Variants in TTC38 observed in about 807,000 individuals in gnomAD.
The protein encoded by TTC38 is tetratricopeptide repeat domain 38.
In TTC38, 64 loss-of-function variants were observed where a neutral mutation model predicts 64.2. The observed-to-expected ratio is 1.00, with a 90% confidence interval of 0.81 to 1.23. TTC38 has a LOEUF of 1.23. Ranked by LOEUF, TTC38 falls within the 50% of genes most tolerant of loss-of-function variation. The pLI, the probability that TTC38 is intolerant of heterozygous loss-of-function variation, is 0.00. For synonymous variants in TTC38, 254 were observed against 249.3 expected, an observed-to-expected ratio of 1.02 and a Z score of -0.18; for missense variants, 573 against 615.5, an observed-to-expected ratio of 0.93 and a Z score of 0.73.
chr22:46,268,833 C>T (rs1936824343), intron 2 of TTC38: 1 of 465,952 alleles, frequency 2.1e-6, no homozygotes, highest in South Asian at 2.2e-5. Context: ...TACAGGCGCC[C>T]GCCACTGCCC....
intron 10 of TTC38, among the ~76,000 whole-genome samples, 169 bp downstream of exon 10, chr22:46,287,323 C>T (rs1358334343): frequency 6.6e-6 from 1 of 152,238 alleles, no homozygotes; most frequent in Non-Finnish European, 1.5e-5. Context: ...TGCCTCCCAG[C>T]TGGCCCAAAG....
intron 6 of TTC38, among the ~76,000 whole-genome samples, chr22:46,279,565 G>A (rs1286912495): frequency 2.6e-5 from 4 of 152,248 alleles, no homozygotes; most frequent in Admixed American, 6.5e-5. Flanking sequence ...CAACATCCTG[G>A]CTGGGGTTCT....
intron 2 of TTC38, chr22:46,269,090 C>A (rs919605793): frequency 2.1e-5 from 7 of 336,236 alleles, no homozygotes; most frequent in Middle Eastern, 4.3e-4. Flanking sequence ...ATATCTCTGC[C>A]CCCCCCCCAC....
In TTC38 at chr22:46,272,306, G is replaced by A. The variant is rs540724829; in HGVS notation, c.112-29G>A. On this transcript the variant is annotated intron_variant, in intron 2 of 13. Transcript: ENST00000381031. The surrounding 1 kb of genome is among the most constrained non-coding windows in gnomAD (Gnocchi z 6.4). The stretch of plus-strand genomic sequence containing the variant: ...TGTTAGAATGATCCAAGGGCTCCGT[G>A]AGGACTTGTTTTGCTTTTCCCATTT... The A allele has an allele frequency of 9.4e-6, 15 of 1,591,474 alleles. No homozygotes were observed. The South Asian group carries it at 1.7e-4, about 18-fold the overall frequency.
intron 2 of TTC38, 53 bp downstream of exon 2, chr22:46,268,644 T>C (rs1403484785): frequency 1.3e-6 from 2 of 1,538,704 alleles, no homozygotes; most frequent in East Asian, 4.5e-5. Flanking sequence ...TAGGGGAAGG[T>C]TTTTTAATTG....
intron 8 of TTC38, among the ~76,000 whole-genome samples, chr22:46,284,455 C>G (rs2077557340): frequency 6.6e-6 from 1 of 152,172 alleles, no homozygotes; most frequent in Non-Finnish European, 1.5e-5. Context: ...CTAGAAGCTC[C>G]CTGAATGTCC....
chr22:46,293,523 C>CGAGTCT lies in TTC38; in HGVS notation c.*640_*645dup, dbSNP rs1177168255. 6.6e-6 allele frequency: 1 copy of CGAGTCT among 152,270 alleles called. No homozygotes were observed. The highest frequency in any genetic ancestry group is 1.9e-4 in the East Asian group (1 of 5,180). The allele number at this position is 152,270 out of a possible 1,614,324, so 9.4% of individuals were successfully genotyped here. A position where few individuals can be genotyped will look rare whatever the true frequency, so the allele number is the denominator to read the frequency against. On this transcript the variant is annotated 3_prime_UTR_variant, in exon 14 of 14. Coordinates refer to ENST00000381031, the MANE Select transcript of TTC38 (RefSeq NM_017931.4). The surrounding 1 kb of genome is among the most constrained non-coding windows in gnomAD (Gnocchi z 6.6). ...TGGGGTCCTTCTGCTGTCTCTGGGG[C>CGAGTCT]GAGTCTTGGAGCCCCCTGGGGGGCT...
rs2077492734 is a variant in TTC38, at chr22:46,276,824, A to AATATATATATATATTAAATATATAT, written c.539+1417_539+1418insTAAATATATATATATATATATATAT. Among the ~76,000 whole-genome samples the AATATATATATATATTAAATATATAT allele has an allele frequency of 1.4e-5, 2 of 139,554 alleles. No individual in the cohort carries two copies. The highest frequency in any genetic ancestry group is 5.5e-5 in the African/African-American group (2 of 36,130). The allele number at this position is 139,554 out of a possible 152,430, so 91.6% of individuals were successfully genotyped here. ...ATTATATATTAAAATATATATATTA[A>AATATATATATATATTAAATATATAT]ATATATATATATATATAAACATATA... is the stretch of plus-strand genomic sequence containing the variant. On this transcript the variant is annotated intron_variant, in intron 5 of 13. Transcript: ENST00000381031. The surrounding 1 kb of genome is among the most constrained non-coding windows in gnomAD (Gnocchi z 4.7).
At position 46,285,316 on chromosome 22, in the gene TTC38, C is replaced by A. The variant is rs772877962; in HGVS notation, c.834+37C>A. ...TCACACCGTGTTTGGTTTGTTGCAGCATTTTGCCTTTGAGTCTCAAAGAGA... is the reference window on the plus strand; with the variant it reads ...TCACACCGTGTTTGGTTTGTTGCAGAATTTTGCCTTTGAGTCTCAAAGAGA... On this transcript the variant is annotated intron_variant, in intron 9 of 13. Transcript: ENST00000381031. 18 of 1,610,768 alleles carry A rather than the reference C, an allele frequency of 1.1e-5. No individual in the cohort carries two copies. In the South Asian group the frequency reaches 1.8e-4, roughly 16 times the overall value.
rs535840812 is a variant in TTC38, at chr22:46,270,254, C to T, written c.111+1663C>T. Among the ~76,000 whole-genome samples, 1 of 152,232 alleles carries T rather than the reference C, an allele frequency of 6.6e-6. No homozygotes were observed. The highest frequency in any genetic ancestry group is 2.1e-4 in the South Asian group (1 of 4,830). ...AACCCTCCTGTATCTTGTCAAAATG[C>T]TTGCGTAGCTTATAGTCTCAGCTAT... On this transcript the variant is annotated intron_variant, in intron 2 of 13. Coordinates refer to ENST00000381031, the MANE Select transcript of TTC38 (RefSeq NM_017931.4). The surrounding 1 kb of genome is among the most constrained non-coding windows in gnomAD (Gnocchi z 4.7).
chr22:46,292,919 G>T lies in TTC38; in HGVS notation c.*35G>T. 2.6e-6 allele frequency: 4 copies of T among 1,543,204 alleles called. No homozygotes were observed. The highest frequency in any genetic ancestry group is 1.1e-5 in the South Asian group (1 of 89,632). On this transcript the variant is annotated 3_prime_UTR_variant, in exon 14 of 14. Coordinates refer to ENST00000381031, the MANE Select transcript of TTC38 (RefSeq NM_017931.4). The surrounding 1 kb of genome is among the most constrained non-coding windows in gnomAD (Gnocchi z 6.5). ...GCCGCCTCCACCCTGCAGAACCTCA[G>T]TGGTGGCGTCACTGCGTCCAGTCAG...
chr22:46,275,392 C>T lies in TTC38; in HGVS notation c.510C>T (p.Pro170=), dbSNP rs1936986739. 6.2e-7 allele frequency: 1 copy of T among 1,614,064 alleles called. No homozygotes were observed. The highest frequency in any genetic ancestry group is 2.2e-5 in the East Asian group (1 of 44,884). ...QMRDSVARIY[P]FWTPDIPLSS... ...GAGATTCTGTTGCTCGAATTTACCCCTTCTGGACACCTGACATCCCCCTAA... is the reference window on the plus strand; with the variant it reads ...GAGATTCTGTTGCTCGAATTTACCCTTTCTGGACACCTGACATCCCCCTAA... The change falls in exon 5 of 14, where the codon CCC becomes CCT. Residue 170 remains proline, a synonymous_variant. Transcript: ENST00000381031. The surrounding 1 kb of genome is among the most constrained non-coding windows in gnomAD (Gnocchi z 4.5).
rs921520951 is a variant in TTC38 at position 46,272,789 on chromosome 22, C to T, written c.193+373C>T. ...TAGATAAAGCTTCCTGAATCCAAGG[C>T]CCAGACCCCTGGAACATGAGAGGTG... On this transcript the variant is annotated intron_variant, in intron 3 of 13. Coordinates refer to ENST00000381031, the MANE Select transcript of TTC38 (RefSeq NM_017931.4). This position sits in a 1 kb window ranked among gnomAD's most constrained non-coding sequence, Gnocchi z 6.4. 2.0e-5 allele frequency among the ~76,000 whole-genome samples: 3 copies of T among 152,156 alleles called. No homozygotes were observed. The highest frequency in any genetic ancestry group is 6.5e-5 in the Admixed American group (1 of 15,274).
At position 46,292,438 on chromosome 22, in the gene TTC38, T is replaced by G; in HGVS notation, c.1317-353T>G. 1 of 317,822 alleles carries G rather than the reference T, an allele frequency of 3.1e-6. No individual in the cohort carries two copies. Among genetic ancestry groups the G allele is most frequent in the Non-Finnish European group, 6.2e-6 (1 of 161,916 alleles). The allele number at this position is 317,822 out of a possible 1,614,324, so 19.7% of individuals were successfully genotyped here. A position where few individuals can be genotyped will look rare whatever the true frequency, so the allele number is the denominator to read the frequency against. On this transcript the variant is annotated intron_variant, in intron 13 of 13. Coordinates refer to ENST00000381031, the MANE Select transcript of TTC38 (RefSeq NM_017931.4). The surrounding 1 kb of genome is among the most constrained non-coding windows in gnomAD (Gnocchi z 6.5). ...AGGCCCTGTTCTTAATACCATCACC[T>G]TGGGCATTTGGGCTTCAACATATAC...
chr22:46,272,477 C>G lies in TTC38; in HGVS notation c.193+61C>G, dbSNP rs940012577. 2 of 1,425,256 alleles carry G rather than the reference C, an allele frequency of 1.4e-6. No individual in the cohort carries two copies. The highest frequency in any genetic ancestry group is 1.4e-5 in the African/African-American group (1 of 70,950). The allele number at this position is 1,425,256 out of a possible 1,614,324, so 88.3% of individuals were successfully genotyped here. On this transcript the variant is annotated intron_variant, in intron 3 of 13. Coordinates refer to ENST00000381031, the MANE Select transcript of TTC38 (RefSeq NM_017931.4). The surrounding 1 kb of genome is among the most constrained non-coding windows in gnomAD (Gnocchi z 6.4). ...TTCACACATCCAGCCCCTCTCTTTC[C>G]TTTACCACAGGGACACAGTTGGGAT...
chr22:46,273,736 A>G lies in TTC38; in HGVS notation c.194-162A>G, dbSNP rs1309926841. ...TTCCCTCCATGCTTGACAAGAGCCG[A>G]GGCTGAGTTCTAGACAGTAGGCAGG... On this transcript the variant is annotated intron_variant, in intron 3 of 13. Coordinates refer to ENST00000381031, the MANE Select transcript of TTC38 (RefSeq NM_017931.4). This position sits in a 1 kb window ranked among gnomAD's most constrained non-coding sequence, Gnocchi z 5.1. Among the ~76,000 whole-genome samples the G allele has an allele frequency of 1.3e-5, 2 of 152,242 alleles. No homozygotes were observed. Among genetic ancestry groups the G allele is most frequent in the African/African-American group, 4.8e-5 (2 of 41,460 alleles).
chr22:46,276,072 T>C lies in TTC38; in HGVS notation c.539+651T>C, dbSNP rs1484070907. On this transcript the variant is annotated intron_variant, in intron 5 of 13. Transcript: ENST00000381031. The surrounding 1 kb of genome is among the most constrained non-coding windows in gnomAD (Gnocchi z 4.7). ...GCTTCATTACAGAATAGTTGTGAGGTTCGGACAGGTTAATAAGCTGTATTA... is the reference window on the plus strand; with the variant it reads ...GCTTCATTACAGAATAGTTGTGAGGCTCGGACAGGTTAATAAGCTGTATTA... Among the ~76,000 whole-genome samples, 1 of 152,138 alleles carries C rather than the reference T, an allele frequency of 6.6e-6. No individual in the cohort carries two copies.
chr22:46,277,625 AAAAAG>A (rs1350064324), intron 5 of TTC38, among the ~76,000 whole-genome samples: 1 of 151,326 alleles, frequency 6.6e-6, no homozygotes, highest in Non-Finnish European at 1.5e-5. Flanking sequence ...AAAAAAAAAA[AAAAAG>A]AGAGAGATTG....
intron 6 of TTC38, 59 bp downstream of exon 6, chr22:46,278,720 G>C: frequency 7.6e-7 from 1 of 1,312,140 alleles, no homozygotes; most frequent in Non-Finnish European, 1.1e-6. Context: ...GGCTGGACCA[G>C]GGCATATGAG....
Sources: gnomAD v4.1 joint callset for allele counts (sites outside exome capture counted in the v4.1 genomes callset) on GRCh38, gnomAD v4.1.1 for gene constraint, Gnocchi (gnomAD v3.1) non-coding constraint, MANE v1.5 for transcripts, NCBI Gene and HGNC (gene_info 2026-07-23, HGNC 2026-07-21) for gene names.